ESYT3: variants seen among roughly 807,000 people sequenced by gnomAD.
ESYT3 encodes the protein extended synaptotagmin-3.
ESYT3 carries 101 observed loss-of-function variants against 111.5 expected under a neutral mutation model. The observed-to-expected ratio is 0.91, with a 90% CI of 0.77 to 1.07. ESYT3 has a LOEUF of 1.07. ESYT3 is among the 50% of genes least tolerant of loss of function. The probability of loss-of-function intolerance (pLI) is 0.00; values close to 1 mark genes in which losing one functional copy is unlikely to be tolerated. For synonymous variants in ESYT3, 416 were observed against 446.8 expected, an observed-to-expected ratio of 0.93 and a Z score of 0.87; for missense variants, 1,097 against 1,109.4, an observed-to-expected ratio of 0.99 and a Z score of 0.16.
intron 1 of ESYT3, among the ~76,000 whole-genome samples, chr3:138,446,761 T>C (rs1037690115): frequency 2.0e-5 from 3 of 152,064 alleles, no homozygotes; most frequent in African/African-American, 7.2e-5. Flanking sequence ...CATGGTGGCA[T>C]GTACCTGTAG....
rs2108634644 is a variant in ESYT3, at chr3:138,477,447, A to G, written c.*593A>G. 6.6e-6 allele frequency: 1 copy of G among 152,632 alleles called. No individual in the cohort carries two copies. Among genetic ancestry groups the G allele is most frequent in the Middle Eastern group, 3.4e-3 (1 of 294 alleles). The allele number at this position is 152,632 out of a possible 1,614,324, so 9.5% of individuals were successfully genotyped here. A position where few individuals can be genotyped will look rare whatever the true frequency, so the allele number is the denominator to read the frequency against. On this transcript the variant is annotated 3_prime_UTR_variant, in exon 23 of 23. Transcript: ENST00000389567. ...TCTTTTATTTGACCTGGAGCTAAAA[A>G]TGTATTTCCCTACTGGCAAAAATGT...
intron 2 of ESYT3, 141 bp from the exon 3 acceptor site, chr3:138,455,049 GGGCA>G: frequency 1.2e-6 from 1 of 821,814 alleles, no homozygotes; most frequent in Non-Finnish European, 1.9e-6. Flanking sequence ...GCAGATGGGT[GGGCA>G]GGCAAGCAGG....
chr3:138,462,951 C>T (rs776922948), intron 8 of ESYT3, among the ~76,000 whole-genome samples: 9 of 152,032 alleles, frequency 5.9e-5, no homozygotes, highest in Non-Finnish European at 1.2e-4. Flanking sequence ...GCATGAGCCA[C>T]CACACCTGTC....
intron 2 of ESYT3, among the ~76,000 whole-genome samples, chr3:138,454,490 G>T (rs2108607876): frequency 6.6e-6 from 1 of 152,276 alleles, no homozygotes; most frequent in Admixed American, 6.5e-5. Context: ...CCAGGAGGTG[G>T]AGGTTGCAGT....
chr3:138,449,188 A>G (rs759284298), intron 1 of ESYT3, among the ~76,000 whole-genome samples: 55 of 148,378 alleles, frequency 3.7e-4, no homozygotes, highest in Non-Finnish European at 6.2e-4. Context: ...GGGTTCAAGC[A>G]ATTCTTCTGC....
Position 138,478,417 on chromosome 3 carries a change from C to G in ESYT3, c.*1563C>G, listed in dbSNP as rs913549958. On this transcript the variant is annotated 3_prime_UTR_variant, in exon 23 of 23. Coordinates refer to ENST00000389567, the MANE Select transcript of ESYT3 (RefSeq NM_031913.5). ...ATAAAATGGAGCATTGATGCCTACC[C>G]TGTCTACCTTATGATGGCATTCTAA... The G allele has an allele frequency of 1.3e-4, 20 of 152,172 alleles. No individual in the cohort carries two copies. The highest frequency in any genetic ancestry group is 1.0e-3 in the Admixed American group (16 of 15,280). 9.4% of individuals were successfully genotyped at this position (152,172 alleles called of 1,614,324 possible).
rs2033287604 is a variant in ESYT3, at chr3:138,472,700, C to T, written c.2078C>T (p.Pro693Leu). The T allele has an allele frequency of 2.5e-6, 4 of 1,614,108 alleles. No homozygotes were observed. In the South Asian group the frequency reaches 4.4e-5, roughly 18 times the overall value. ...CCAGCCACCATCTTCCTGACTGTCC[C>T]AGGTCCCCACTCTCCAGGGCCCATC... ...KSPATIFLTV[P>L]GPHSPGPIKS... The change falls in exon 18 of 23, where the codon CCA becomes CTA. Residue 693 changes from proline (P) to leucine (L), a missense_variant. Pro to Leu is a moderately conservative substitution (Grantham distance 98). Coordinates refer to ENST00000389567, the MANE Select transcript of ESYT3 (RefSeq NM_031913.5).
Position 138,464,367 on chromosome 3 carries a change from T to TGGA in ESYT3, c.941_943dup (p.Glu314dup). 3 of 1,614,080 alleles carry TGGA rather than the reference T, an allele frequency of 1.9e-6. No homozygotes were observed. The highest frequency in any genetic ancestry group is 2.5e-6 in the Non-Finnish European group (3 of 1,179,970). On this transcript the variant is annotated inframe_insertion, in exon 9 of 23. Transcript: ENST00000389567. ...CAGGGGGTGATCAGAGTGCACTTGC[T>TGGA]GGAGGCAGAGCAGCTGGCCCAGAAG...
intron 1 of ESYT3, 110 bp from the exon 2 acceptor site, chr3:138,451,938 G>T: frequency 3.3e-6 from 4 of 1,216,096 alleles, no homozygotes; most frequent in Non-Finnish European, 4.8e-6. Flanking sequence ...GGGGAGGAAG[G>T]GTTGAGGTGC....
chr3:138,434,728 G>T lies in ESYT3; in HGVS notation c.-71G>T, dbSNP rs939726264. The T allele has an allele frequency of 1.5e-6, 2 of 1,314,404 alleles. No homozygotes were observed. Among genetic ancestry groups the T allele is most frequent in the South Asian group, 3.1e-5 (2 of 64,422 alleles). The allele number at this position is 1,314,404 out of a possible 1,614,324, so 81.4% of individuals were successfully genotyped here. ...GTCCTCGAGCTTGGGAGACAGATGC[G>T]CATGGGCGTGGGGGCATGCGGACCT... is the stretch of plus-strand genomic sequence containing the variant. On this transcript the variant is annotated 5_prime_UTR_variant, in exon 1 of 23. Transcript: ENST00000389567.
rs2032474946 is a variant in ESYT3 at position 138,459,194 on chromosome 3, G to A, written c.589G>A (p.Gly197Arg). 1.3e-6 allele frequency: 2 copies of A among 1,535,194 alleles called. No individual in the cohort carries two copies. The highest frequency in any genetic ancestry group is 8.8e-7 in the Non-Finnish European group (1 of 1,131,684). The change falls in exon 5 of 23, where the codon GGG (glycine) becomes AGG (arginine). Residue 197 changes from glycine to arginine, a missense_variant. Gly to Arg is a moderately radical substitution (Grantham distance 125). Coordinates refer to ENST00000389567, the MANE Select transcript of ESYT3 (RefSeq NM_031913.5). Reference protein sequence around the residue: ...VTVDLQICYIGDCEISVELQK... With the variant: ...VTVDLQICYIRDCEISVELQK... Reference sequence around the variant, plus strand: ...TTCCACCCCCCATTTCAGCTACATCGGGGACTGTGAGATCAGTGTGGAGCT... The same window carrying A: ...TTCCACCCCCCATTTCAGCTACATCAGGGACTGTGAGATCAGTGTGGAGCT...
intron 1 of ESYT3, among the ~76,000 whole-genome samples, chr3:138,445,028 C>T (rs917737239): frequency 9.9e-5 from 15 of 152,214 alleles, no homozygotes; most frequent in African/African-American, 1.4e-4. Context: ...TTGTTAAAGA[C>T]GCAGGTTTCC....
chr3:138,457,470 A>G, intron 3 of ESYT3, 98 bp from the exon 4 acceptor site: 1 of 1,014,230 alleles, frequency 9.9e-7, no homozygotes, highest in Non-Finnish European at 1.6e-6. Context: ...TATGGTGGTC[A>G]TGCTCGTTGC....
chr3:138,464,302 C>T (rs767451536), intron 8 of ESYT3, 43 bp from the exon 9 acceptor site: 1 of 1,602,468 alleles, frequency 6.2e-7, no homozygotes, highest in Admixed American at 1.7e-5. Context: ...GACTTGGAGG[C>T]CCCAGGAAGC....
intron 1 of ESYT3, among the ~76,000 whole-genome samples, chr3:138,442,640 G>A (rs147559476): frequency 1.3e-5 from 2 of 152,256 alleles, no homozygotes; most frequent in Admixed American, 6.5e-5. Flanking sequence ...TGTAACTTAC[G>A]TATTTTTATG....
At chr3:138,467,061 A>G (rs896971592) in intron 10 of ESYT3, among the ~76,000 whole-genome samples, 4 of 152,152 alleles carry the variant, frequency 2.6e-5, no homozygotes, top group Non-Finnish European at 1.5e-5. Flanking sequence ...GGGGACAGAC[A>G]TCCAAACTAC....
At chr3:138,476,386 A>C (rs1034157788) in intron 21 of ESYT3, 57 bp from the exon 22 acceptor site, 14 of 1,604,976 alleles carry the variant, frequency 8.7e-6, no homozygotes, top group Middle Eastern at 1.7e-4. Flanking sequence ...GCCTTATCCC[A>C]ATTTCTTTCC....
At position 138,465,353 on chromosome 3, in the gene ESYT3, A is replaced by C. The variant is rs746785303; in HGVS notation, c.1101A>C (p.Glu367Asp). Residue 367 changes from glutamate to aspartate, a missense_variant, in exon 10 of 23, where the codon GAA (glutamate) becomes GAC (aspartate). Coordinates refer to ENST00000389567, the MANE Select transcript of ESYT3 (RefSeq NM_031913.5). ...TTTCCTTCCAGTTCATGGTGTACGA[A>C]GTCCCTGGACAGGACCTGGAGGTAG... ...WNEVFEFMVYEVPGQDLEVDL... is the reference protein window; with the variant it reads ...WNEVFEFMVYDVPGQDLEVDL... The C allele has an allele frequency of 6.3e-7, 1 of 1,593,732 alleles. No individual in the cohort carries two copies. The highest frequency in any genetic ancestry group is 8.5e-7 in the Non-Finnish European group (1 of 1,170,212).
rs570769725 is a variant in ESYT3 at position 138,435,914 on chromosome 3, T to C, written c.327+789T>C. On this transcript the variant is annotated intron_variant, in intron 1 of 22. Coordinates refer to ENST00000389567, the MANE Select transcript of ESYT3 (RefSeq NM_031913.5). The surrounding 1 kb of genome is among the most constrained non-coding windows in gnomAD (Gnocchi z 4.8). Reference sequence around the variant, plus strand: ...AAACACCGGCAAGAGGGGTGTTCCGTCCAATGGTTGGTCTGCGGCAAACCC... The same window carrying C: ...AAACACCGGCAAGAGGGGTGTTCCGCCCAATGGTTGGTCTGCGGCAAACCC... 2.6e-4 allele frequency among the ~76,000 whole-genome samples: 40 copies of C among 152,278 alleles called. No individual in the cohort carries two copies. The South Asian group carries it at 7.7e-3, about 29-fold the overall frequency.
Sources: gnomAD v4.1 joint callset for allele counts (sites outside exome capture counted in the v4.1 genomes callset) on GRCh38, gnomAD v4.1.1 for gene constraint, Gnocchi (gnomAD v3.1) non-coding constraint, MANE v1.5 for transcripts, NCBI Gene and HGNC (gene_info 2026-07-23, HGNC 2026-07-21) for gene names.